RILPL1: variants seen among roughly 807,000 people sequenced by gnomAD.
The protein encoded by RILPL1 is Rab interacting lysosomal protein like 1.
Under a neutral mutation model 50.3 loss-of-function variants are expected in RILPL1, and 33 were observed. That is an observed-to-expected ratio of 0.66 (90% CI 0.50 to 0.88). The LOEUF (loss-of-function observed/expected upper bound fraction) is 0.88. RILPL1 is among the 40% of genes least tolerant of loss of function. The pLI, the probability that RILPL1 is intolerant of heterozygous loss-of-function variation, is 0.00. For missense variants in RILPL1, 418 were observed against 542.5 expected, an observed-to-expected ratio of 0.77 and a Z score of 2.28; for synonymous variants, 205 against 228.6, an observed-to-expected ratio of 0.90 and a Z score of 0.93.
intron 2 of RILPL1, among the ~76,000 whole-genome samples, chr12:123,509,943 G>A (rs957142928): frequency 6.6e-6 from 1 of 152,248 alleles, no homozygotes; most frequent in Non-Finnish European, 1.5e-5. Context: ...GGAAGATGAG[G>A]ACAGCCAGTC....
chr12:123,504,736 C>T (rs1160005408), intron 2 of RILPL1, among the ~76,000 whole-genome samples: 1 of 152,158 alleles, frequency 6.6e-6, no homozygotes, highest in Non-Finnish European at 1.5e-5. Context: ...TTTCTAACAT[C>T]AGTCTCATTT....
chr12:123,528,059 C>A (rs1885320743), intron 1 of RILPL1, among the ~76,000 whole-genome samples: 1 of 152,112 alleles, frequency 6.6e-6, no homozygotes, highest in Non-Finnish European at 1.5e-5. Flanking sequence ...ATTGGATTAT[C>A]CAGTTCAATA....
At chr12:123,509,843 T>C (rs1401861269) in intron 2 of RILPL1, among the ~76,000 whole-genome samples, 3 of 152,144 alleles carry the variant, frequency 2.0e-5, no homozygotes, top group African/African-American at 7.2e-5. Context: ...CTGCGACATG[T>C]TTTCCACCAG....
chr12:123,476,522 C>T (rs1881603228), intron 6 of RILPL1, among the ~76,000 whole-genome samples: 1 of 151,834 alleles, frequency 6.6e-6, no homozygotes, highest in Non-Finnish European at 1.5e-5. Context: ...AGGGTGGGTT[C>T]TAATCCAATA....
chr12:123,485,217 T>A lies in RILPL1; in HGVS notation c.974+416A>T, dbSNP rs770495773. On this transcript the variant is annotated intron_variant, in intron 5 of 6. Transcript: ENST00000376874. The surrounding 1 kb of genome is among the most constrained non-coding windows in gnomAD (Gnocchi z 4.0). ...GTCTCATGTTGCTTGTGGTCTCATGTGGAAACCTACAATAAAGCAAGCATG... is the reference window on the plus strand; with the variant it reads ...GTCTCATGTTGCTTGTGGTCTCATGAGGAAACCTACAATAAAGCAAGCATG... 9.4e-5 allele frequency: 43 copies of A among 457,868 alleles called. No homozygotes were observed. The highest frequency in any genetic ancestry group is 6.7e-4 in the South Asian group (43 of 64,586). 28.4% of individuals were successfully genotyped at this position (457,868 alleles called of 1,614,324 possible).
At chr12:123,532,830 C>T (rs1328130180) in intron 1 of RILPL1, among the ~76,000 whole-genome samples, 1 of 151,688 alleles carries the variant, frequency 6.6e-6, no homozygotes, top group African/African-American at 2.4e-5. Flanking sequence ...CTTATATGGT[C>T]CCATTTAATT....
chr12:123,529,927 A>T (rs1302057040), intron 1 of RILPL1, among the ~76,000 whole-genome samples: 1 of 151,932 alleles, frequency 6.6e-6, no homozygotes, highest in Non-Finnish European at 1.5e-5. Flanking sequence ...TGCTAGAATA[A>T]TTGCACCATC....
chr12:123,494,897 C>T (rs777036756), intron 4 of RILPL1, among the ~76,000 whole-genome samples: 4 of 152,148 alleles, frequency 2.6e-5, no homozygotes, highest in African/African-American at 7.2e-5. Context: ...CCCTGGGTGC[C>T]GACTCCCCAG....
Position 123,472,421 on chromosome 12 carries a change from A to C in RILPL1, c.*117T>G. On this transcript the variant is annotated 3_prime_UTR_variant, in exon 7 of 7. Coordinates refer to ENST00000376874, the MANE Select transcript of RILPL1 (RefSeq NM_178314.5). ...AATCAGACAGTCTGTTTGAGGGGTC[A>C]GTTTTCAGGGTGCATCTGCACCGAG... 9.2e-7 allele frequency: 1 copy of C among 1,092,138 alleles called. No homozygotes were observed. The highest frequency in any genetic ancestry group is 1.3e-6 in the Non-Finnish European group (1 of 767,928). The allele number at this position is 1,092,138 out of a possible 1,614,324, so 67.7% of individuals were successfully genotyped here.
rs546401027 is a variant in RILPL1 at position 123,509,308 on chromosome 12, A to T, written c.461-9772T>A. ...GCTGGGCATGGTGGCTCACGCCTAC[A>T]ACGCCTGCACTTTGGGAGGCTGAGG... is the stretch of plus-strand genomic sequence containing the variant. On this transcript the variant is annotated intron_variant, in intron 2 of 6. Transcript: ENST00000376874. Among the ~76,000 whole-genome samples the T allele has an allele frequency of 3.3e-5, 5 of 152,354 alleles. No individual in the cohort carries two copies. In the East Asian group the frequency reaches 9.6e-4, roughly 29 times the overall value.
At chr12:123,517,203 C>T (rs1353238236) in intron 2 of RILPL1, among the ~76,000 whole-genome samples, 3 of 152,090 alleles carry the variant, frequency 2.0e-5, no homozygotes, top group East Asian at 1.9e-4. Context: ...GTGAGGATGC[C>T]GACAGCCCCC....
intron 2 of RILPL1, among the ~76,000 whole-genome samples, chr12:123,507,470 C>G (rs1793047147): frequency 6.6e-6 from 1 of 150,982 alleles, no homozygotes; most frequent in African/African-American, 2.4e-5. Flanking sequence ...GAGGCTGAAG[C>G]AAGAAGACTG....
rs1412076372 is a variant in RILPL1, at chr12:123,491,650, C to T, written c.802-5845G>A. 2.6e-5 allele frequency among the ~76,000 whole-genome samples: 4 copies of T among 152,202 alleles called. No homozygotes were observed. The highest frequency in any genetic ancestry group is 2.1e-4 in the South Asian group (1 of 4,834). ...TTCTGCCCGCCTTTCAGCCAGCATA[C>T]GCCTGTCTGCTTTCCCTATGCAGGC... On this transcript the variant is annotated intron_variant, in intron 4 of 6. Transcript: ENST00000376874. The surrounding 1 kb of genome is among the most constrained non-coding windows in gnomAD (Gnocchi z 4.0).
intron 1 of RILPL1, among the ~76,000 whole-genome samples, chr12:123,529,476 C>T (rs1409199701): frequency 6.6e-6 from 1 of 152,120 alleles, no homozygotes; most frequent in Non-Finnish European, 1.5e-5. Flanking sequence ...GAGGTTTTGC[C>T]ATGTTGGCCA....
At chr12:123,478,888 G>A (rs1048006646) in intron 6 of RILPL1, among the ~76,000 whole-genome samples, 5 of 152,228 alleles carry the variant, frequency 3.3e-5, no homozygotes. Flanking sequence ...GCACTCCCTC[G>A]TGACCTTCCT....
rs1286089830 is a variant in RILPL1 at position 123,533,457 on chromosome 12, A to C, written c.26T>G (p.Leu9Arg). MEEERGSA[L>R]AAESALEKNV... ...CTTCTCCAGCGCCGACTCGGCCGCCAGCGCCGACCCCCGCTCCTCCTCCAT... is the reference window on the plus strand; with the variant it reads ...CTTCTCCAGCGCCGACTCGGCCGCCCGCGCCGACCCCCGCTCCTCCTCCAT... The change falls in exon 1 of 7, where the codon CTG (leucine) becomes CGG (arginine). Residue 9 changes from leucine to arginine, a missense_variant. Leu to Arg is a moderately radical substitution (Grantham distance 102). Transcript: ENST00000376874. The surrounding 1 kb of genome is among the most constrained non-coding windows in gnomAD (Gnocchi z 6.2). 6.5e-7 allele frequency: 1 copy of C among 1,529,546 alleles called. No individual in the cohort carries two copies. The highest frequency in any genetic ancestry group is 8.8e-7 in the Non-Finnish European group (1 of 1,135,732). 94.7% of individuals were successfully genotyped at this position (1,529,546 alleles called of 1,614,324 possible).
At chr12:123,515,914 A>G (rs1442852610) in intron 2 of RILPL1, among the ~76,000 whole-genome samples, 2 of 151,652 alleles carry the variant, frequency 1.3e-5, no homozygotes, top group Non-Finnish European at 2.9e-5. Flanking sequence ...CAGGCCTGTA[A>G]TCCCAGCTAC....
chr12:123,478,908 C>T (rs1881779337), intron 6 of RILPL1, among the ~76,000 whole-genome samples: 1 of 152,214 alleles, frequency 6.6e-6, no homozygotes, highest in Non-Finnish European at 1.5e-5. Context: ...TGGGCAGTGC[C>T]AGCCTGGCCT....
rs547129758 is a variant in RILPL1, at chr12:123,470,692, G to T, written c.*1846C>A. The stretch of plus-strand genomic sequence containing the variant: ...CCAGCTACTTGGGAGGCTCAGGCAT[G>T]AGAATTGCTTGAACTCAAGAGGCGG... On this transcript the variant is annotated 3_prime_UTR_variant, in exon 7 of 7. Transcript: ENST00000376874. The T allele has an allele frequency of 6.6e-6, 1 of 152,390 alleles. No individual in the cohort carries two copies. The highest frequency in any genetic ancestry group is 1.5e-5 in the Non-Finnish European group (1 of 68,088). 9.4% of individuals were successfully genotyped at this position (152,390 alleles called of 1,614,324 possible). A position where few individuals can be genotyped will look rare whatever the true frequency, so the allele number is the denominator to read the frequency against.
Sources: gnomAD v4.1 joint callset for allele counts (sites outside exome capture counted in the v4.1 genomes callset) on GRCh38, gnomAD v4.1.1 for gene constraint, Gnocchi (gnomAD v3.1) non-coding constraint, MANE v1.5 for transcripts, NCBI Gene and HGNC (gene_info 2026-07-23, HGNC 2026-07-21) for gene names.